SUN2: variants seen among roughly 807,000 people sequenced by gnomAD.
SUN2 encodes the protein SUN domain-containing protein 2.
In SUN2, 60 loss-of-function variants were observed where a neutral mutation model predicts 100.0. The ratio of observed to expected loss-of-function variants is 0.60; its 90% CI spans 0.49 to 0.74. The LOEUF is 0.74. SUN2 is among the 30% of genes least tolerant of loss of function. The pLI is 0.00. For missense variants in SUN2, 834 were observed against 954.6 expected (o/e 0.87, Z 1.66); for synonymous variants, 367 against 403.3 (o/e 0.91, Z 1.08).
intron 4 of SUN2, 95 bp from the exon 5 acceptor site, chr22:38,750,415 CCTT>C: frequency 6.4e-7 from 1 of 1,555,944 alleles, no homozygotes; most frequent in Non-Finnish European, 8.7e-7. Flanking sequence ...CACCCACCCT[CCTT>C]CACATCCCCA....
rs1051029382 is a variant in SUN2 at position 38,755,668 on chromosome 22, C to T, written c.-38+95G>A. 2.0e-6 allele frequency: 2 copies of T among 978,606 alleles called. No individual in the cohort carries two copies. The highest frequency in any genetic ancestry group is 2.4e-6 in the Non-Finnish European group (2 of 823,906). The allele number at this position is 978,606 out of a possible 1,614,324, so 60.6% of individuals were successfully genotyped here. Reference sequence around the variant, plus strand: ...ACGTCCCGGAGAGGAGGAAGCAGGCCTGGCGGCGCGGCCCCGCCCGAGTGG... The same window carrying T: ...ACGTCCCGGAGAGGAGGAAGCAGGCTTGGCGGCGCGGCCCCGCCCGAGTGG... On this transcript the variant is annotated intron_variant, in intron 1 of 17. Transcript: ENST00000689035. The surrounding 1 kb of genome is among the most constrained non-coding windows in gnomAD (Gnocchi z 5.7).
At position 38,745,789 on chromosome 22, in the gene SUN2, A is replaced by C; in HGVS notation, c.708T>G (p.Tyr236Ter). The C allele has an allele frequency of 6.2e-7, 1 of 1,614,010 alleles. No individual in the cohort carries two copies. Among genetic ancestry groups the C allele is most frequent in the Non-Finnish European group, 8.5e-7 (1 of 1,179,982 alleles). The change falls in exon 8 of 18, where the codon TAT becomes TAG. Residue 236 changes from tyrosine to a stop codon, truncating the protein, a stop_gained. Transcript: ENST00000689035. LOFTEE classifies it high-confidence loss of function. The part of the protein sequence containing the change: ...LTYGAWYFYP[Y>*]GLQTFHPALV... ...AAGCAGGGTGGAATGTCTGCAGCCCATAGGGGTAGAAATACCAAGCACCTG... is the reference window on the plus strand; with the variant it reads ...AAGCAGGGTGGAATGTCTGCAGCCCCTAGGGGTAGAAATACCAAGCACCTG...
chr22:38,741,344 C>T (rs993061389), intron 10 of SUN2, 150 bp downstream of exon 10: 13 of 814,108 alleles, frequency 1.6e-5, no homozygotes, highest in South Asian at 8.2e-5. Context: ...ACTAAGGGGT[C>T]GGGGGTCAAA....
intron 2 of SUN2, 55 bp from the exon 3 acceptor site, chr22:38,751,428 G>A (rs2092945261): frequency 1.3e-6 from 2 of 1,594,312 alleles, no homozygotes; most frequent in East Asian, 2.2e-5. Context: ...GCCCAGCCAG[G>A]AGCATGAAGG....
rs1054817293 is a variant in SUN2 at position 38,739,111 on chromosome 22, C to T, written c.1664-123G>A. On this transcript the variant is annotated intron_variant, in intron 14 of 17. Transcript: ENST00000689035. The surrounding 1 kb of genome is among the most constrained non-coding windows in gnomAD (Gnocchi z 6.7). Reference sequence around the variant, plus strand: ...CCCAGGCCTAGCCTTTAACCCTAACCGAGATGCTCAGAGCAGCTTTAAAGG... The same window carrying T: ...CCCAGGCCTAGCCTTTAACCCTAACTGAGATGCTCAGAGCAGCTTTAAAGG... 4.6e-5 allele frequency: 48 copies of T among 1,054,372 alleles called. No individual in the cohort carries two copies. The highest frequency in any genetic ancestry group is 5.7e-4 in the Middle Eastern group (2 of 3,490). 65.3% of individuals were successfully genotyped at this position (1,054,372 alleles called of 1,614,324 possible).
intron 8 of SUN2, 105 bp from the exon 9 acceptor site, chr22:38,742,660 C>T (rs1302761575): frequency 2.1e-6 from 3 of 1,429,042 alleles, no homozygotes; most frequent in East Asian, 4.7e-5. Flanking sequence ...GAAAAGATTC[C>T]AGAGACGTTC....
Position 38,740,366 on chromosome 22 carries a change from G to T in SUN2, c.1257C>A (p.Ala419=), listed in dbSNP as rs377483966. Residue 419 remains alanine (A), a synonymous_variant, in exon 12 of 18, where the codon GCC becomes GCA. Coordinates refer to ENST00000689035, the MANE Select transcript of SUN2 (RefSeq NM_015374.3). This position sits in a 1 kb window ranked among gnomAD's most constrained non-coding sequence, Gnocchi z 4.8. Reference sequence around the variant, plus strand: ...GAGCCGCCAGCTCCTGCTGCAGGCCGGCCAGCTGGTCCTCCAGCCGCCTCA... The same window carrying T: ...GAGCCGCCAGCTCCTGCTGCAGGCCTGCCAGCTGGTCCTCCAGCCGCCTCA... ...KELRRLEDQL[A]GLQQELAALA... The T allele has an allele frequency of 2.5e-6, 4 of 1,578,046 alleles. No homozygotes were observed. Among genetic ancestry groups the T allele is most frequent in the Non-Finnish European group, 3.4e-6 (4 of 1,161,902 alleles).
intron 8 of SUN2, among the ~76,000 whole-genome samples, chr22:38,744,324 T>C (rs1284014119): frequency 1.4e-5 from 2 of 145,014 alleles, no homozygotes; most frequent in Middle Eastern, 3.4e-3. Context: ...ATGCCTGTAA[T>C]CCCAGCCCTT....
In SUN2 at chr22:38,740,161, A is replaced by G. The variant is rs2092842393; in HGVS notation, c.1356+106T>C. 1 of 1,385,750 alleles carries G rather than the reference A, an allele frequency of 7.2e-7. No individual in the cohort carries two copies. Among genetic ancestry groups the G allele is most frequent in the African/African-American group, 1.5e-5 (1 of 68,734 alleles). 85.8% of individuals were successfully genotyped at this position (1,385,750 alleles called of 1,614,324 possible). A position where few individuals can be genotyped will look rare whatever the true frequency, so the allele number is the denominator to read the frequency against. ...AGGCCAACGCCACAGTCTCTTGGGC[A>G]TAACAGAGGCTGCAGGGGCAAGGGG... On this transcript the variant is annotated intron_variant, in intron 12 of 17. Transcript: ENST00000689035. This position sits in a 1 kb window ranked among gnomAD's most constrained non-coding sequence, Gnocchi z 4.8.
Position 38,755,579 on chromosome 22 carries a change from G to A in SUN2, c.-38+184C>T. ...TGACCAGTGGCGCGGCAGGCGGGGCGGGGGCCAGGAGGTGAGTCAGGGCGC... is the reference window on the plus strand; with the variant it reads ...TGACCAGTGGCGCGGCAGGCGGGGCAGGGGCCAGGAGGTGAGTCAGGGCGC... On this transcript the variant is annotated intron_variant, in intron 1 of 17. Coordinates refer to ENST00000689035, the MANE Select transcript of SUN2 (RefSeq NM_015374.3). This position sits in a 1 kb window ranked among gnomAD's most constrained non-coding sequence, Gnocchi z 5.7. 1.1e-6 allele frequency: 1 copy of A among 950,808 alleles called. No individual in the cohort carries two copies. Among genetic ancestry groups the A allele is most frequent in the African/African-American group, 1.8e-5 (1 of 56,668 alleles). The allele number at this position is 950,808 out of a possible 1,614,324, so 58.9% of individuals were successfully genotyped here.
chr22:38,753,252 G>T (rs1213050394), intron 1 of SUN2, among the ~76,000 whole-genome samples: 7 of 124,190 alleles, frequency 5.6e-5, no homozygotes, highest in Non-Finnish European at 9.3e-5. Flanking sequence ...GTCTCGCGCT[G>T]CCTCCCAGGC....
intron 9 of SUN2, among the ~76,000 whole-genome samples, chr22:38,741,841 G>C (rs1053184111): frequency 1.3e-5 from 2 of 152,330 alleles, no homozygotes; most frequent in African/African-American, 4.8e-5. Context: ...GGAAACTGAG[G>C]CTTAGAGAAG....
intron 8 of SUN2, among the ~76,000 whole-genome samples, chr22:38,744,587 T>A (rs935922987): frequency 6.6e-6 from 1 of 152,190 alleles, no homozygotes; most frequent in Non-Finnish European, 1.5e-5. Flanking sequence ...TCTCAAAAAA[T>A]TTTTAAATGA....
Position 38,752,592 on chromosome 22 carries a change from G to C in SUN2, c.37C>G (p.Gln13Glu). The change falls in exon 2 of 18, where the codon CAG becomes GAG. Residue 13 changes from glutamine to glutamate, a missense_variant. This residue lies in a region of SUN2 where 559 missense variants were observed against 597.7 expected (regional missense o/e 0.94). Coordinates refer to ENST00000689035, the MANE Select transcript of SUN2 (RefSeq NM_015374.3). The stretch of plus-strand genomic sequence containing the variant: ...CTGCTGCTGCCGTCATCGTCACCCT[G>C]GGAGTAGCGCGTGAGGCGCTGGCTT... ...RRSQRLTRYS[Q>E]GDDDGSSSSG... 1 of 1,613,990 alleles carries C rather than the reference G, an allele frequency of 6.2e-7. No homozygotes were observed. The highest frequency in any genetic ancestry group is 8.5e-7 in the Non-Finnish European group (1 of 1,179,974).
chr22:38,755,453 C>A lies in SUN2; in HGVS notation c.-38+310G>T. On this transcript the variant is annotated intron_variant, in intron 1 of 17. Coordinates refer to ENST00000689035, the MANE Select transcript of SUN2 (RefSeq NM_015374.3). This position sits in a 1 kb window ranked among gnomAD's most constrained non-coding sequence, Gnocchi z 5.7. The stretch of plus-strand genomic sequence containing the variant: ...GAAACGGCCTGTCTGGCACAAAACC[C>A]GTAGGCGCTGCCCGGGGCCGGGTTG... 1.0e-6 allele frequency: 1 copy of A among 990,674 alleles called. No individual in the cohort carries two copies. The highest frequency in any genetic ancestry group is 1.2e-6 in the Non-Finnish European group (1 of 832,504). The allele number at this position is 990,674 out of a possible 1,614,324, so 61.4% of individuals were successfully genotyped here.
rs1017577659 is a variant in SUN2, at chr22:38,735,342, C to T, written c.*925G>A. On this transcript the variant is annotated 3_prime_UTR_variant, in exon 18 of 18. Transcript: ENST00000689035. ...TGTGGGGGCCGGTGCAGACAGACCT[C>T]GCACCCCGATACCCTGAACGTCCCC... 9 of 423,858 alleles carry T rather than the reference C, an allele frequency of 2.1e-5. No homozygotes were observed. The highest frequency in any genetic ancestry group is 3.3e-5 in the South Asian group (2 of 60,228). The allele number at this position is 423,858 out of a possible 1,614,324, so 26.3% of individuals were successfully genotyped here. A position where few individuals can be genotyped will look rare whatever the true frequency, so the allele number is the denominator to read the frequency against.
chr22:38,738,394 CTTGTGCCACAGT>C lies in SUN2; in HGVS notation c.1948-141_1948-130del. 9.1e-7 allele frequency: 1 copy of C among 1,096,658 alleles called. No individual in the cohort carries two copies. Among genetic ancestry groups the C allele is most frequent in the Non-Finnish European group, 1.3e-6 (1 of 757,770 alleles). 67.9% of individuals were successfully genotyped at this position (1,096,658 alleles called of 1,614,324 possible). ...GGCCTATGACAAGTCACTTCACTCT[CTTGTGCCACAGT>C]TTCTGCCTCCAAAGCCTAAGGTAAC... On this transcript the variant is annotated intron_variant, in intron 16 of 17. Coordinates refer to ENST00000689035, the MANE Select transcript of SUN2 (RefSeq NM_015374.3). The surrounding 1 kb of genome is among the most constrained non-coding windows in gnomAD (Gnocchi z 6.6).
Position 38,748,797 on chromosome 22 carries a change from G to C in SUN2, c.615-14C>G. The C allele has an allele frequency of 6.2e-7, 1 of 1,614,210 alleles. No individual in the cohort carries two copies. Among genetic ancestry groups the C allele is most frequent in the Non-Finnish European group, 8.5e-7 (1 of 1,180,018 alleles). On this transcript the variant is annotated splice_polypyrimidine_tract_variant and intron_variant, in intron 6 of 17. Transcript: ENST00000689035. ...GACGAGAAGCGCCTGGACCACGCGG[G>C]AGGGCAGGACGGGGGAGGCGGAGGT...
intron 7 of SUN2, among the ~76,000 whole-genome samples, chr22:38,747,776 C>A (rs1367245725): frequency 6.6e-6 from 1 of 151,282 alleles, no homozygotes; most frequent in East Asian, 2.0e-4. Flanking sequence ...AACCCCGTCT[C>A]TACTAAAAAT....
Sources: gnomAD v4.1 joint callset for allele counts (sites outside exome capture counted in the v4.1 genomes callset) on GRCh38, gnomAD v4.1.1 for gene constraint, gnomAD v4.1.1 regional missense constraint, Gnocchi (gnomAD v3.1) non-coding constraint, MANE v1.5 for transcripts, NCBI Gene and HGNC (gene_info 2026-07-23, HGNC 2026-07-21) for gene names.